Variants in MCUB observed in about 807,000 individuals in gnomAD.
MCUB encodes mitochondrial calcium uniporter dominant negative subunit beta, also known as calcium uniporter regulatory subunit MCUb, mitochondrial.
In MCUB, 46 loss-of-function variants were observed where a neutral mutation model predicts 41.4. That is an observed-to-expected ratio of 1.11 (90% CI 0.88 to 1.42). MCUB has a LOEUF of 1.42. MCUB is among the 40% of genes most tolerant of loss of function. MCUB has a pLI of 0.00. For synonymous variants in MCUB, 148 were observed against 148.2 expected (o/e 1.00, Z 0.01); for missense variants, 403 against 404.9 (o/e 1.00, Z 0.04).
rs768258227 is a variant in MCUB, at chr4:109,660,322, A to G, written c.303A>G (p.Gln101=). ...TTGGTTCATTCCTTCAGGACCTACA[A>G]AATGAAGATAAGGGTATCAAAACTG... ...STVGSFLQDL[Q]NEDKGIKTAA... Residue 101 remains glutamine, a synonymous_variant, in exon 3 of 8, where the codon CAA becomes CAG. Transcript: ENST00000394650. 9.9e-6 allele frequency: 16 copies of G among 1,609,016 alleles called. No individual in the cohort carries two copies. Among genetic ancestry groups the G allele is most frequent in the African/African-American group, 2.7e-5 (2 of 74,810 alleles).
intron 1 of MCUB, among the ~76,000 whole-genome samples, chr4:109,597,513 C>T (rs1727594046): frequency 8.4e-6 from 1 of 118,886 alleles, no homozygotes; most frequent in Non-Finnish European, 1.8e-5. Flanking sequence ...GGGGGGCTGA[C>T]CCCCCCACCT....
At chr4:109,659,936 G>T (rs570724874) in intron 2 of MCUB, among the ~76,000 whole-genome samples, 1 of 152,320 alleles carries the variant, frequency 6.6e-6, no homozygotes. Context: ...GGGATTACAG[G>T]CATGAGCCAC....
chr4:109,630,277 T>A lies in MCUB; in HGVS notation c.100-28734T>A, dbSNP rs569140439. On this transcript the variant is annotated intron_variant, in intron 1 of 7. Coordinates refer to ENST00000394650, the MANE Select transcript of MCUB (RefSeq NM_017918.5). ...GAATTCAAGACCAGCATGGTCAACA[T>A]AGCAATACCTTGTCTCTGAAAAAAT... Among the ~76,000 whole-genome samples, 13 of 152,184 alleles carry A rather than the reference T, an allele frequency of 8.5e-5. No homozygotes were observed. The East Asian group carries it at 2.5e-3, about 29-fold the overall frequency.
chr4:109,638,827 A>G (rs1285853073), intron 1 of MCUB, among the ~76,000 whole-genome samples: 1 of 152,232 alleles, frequency 6.6e-6, no homozygotes, highest in Non-Finnish European at 1.5e-5. Flanking sequence ...TTCCATCTCA[A>G]GAAACCACTT....
chr4:109,563,967 C>T (rs1050945241), intron 1 of MCUB, among the ~76,000 whole-genome samples: 1 of 152,046 alleles, frequency 6.6e-6, no homozygotes, highest in Non-Finnish European at 1.5e-5. Context: ...ATCATAAGAT[C>T]CTCAGGAAGA....
chr4:109,640,550 T>A (rs1057238765), intron 1 of MCUB, among the ~76,000 whole-genome samples: 1 of 152,250 alleles, frequency 6.6e-6, no homozygotes, highest in Non-Finnish European at 1.5e-5. Flanking sequence ...TTGCTTCACC[T>A]TGCACTTTTA....
At chr4:109,679,523 G>C (rs997919178) in intron 4 of MCUB, among the ~76,000 whole-genome samples, 3 of 152,172 alleles carry the variant, frequency 2.0e-5, no homozygotes, top group African/African-American at 7.2e-5. Flanking sequence ...GCACGTGCCT[G>C]GAATCCCAGG....
intron 4 of MCUB, among the ~76,000 whole-genome samples, chr4:109,676,659 T>C (rs952296537): frequency 3.3e-5 from 5 of 152,250 alleles, no homozygotes; most frequent in African/African-American, 1.2e-4. Flanking sequence ...AGTACCAATT[T>C]TCTGTCTTAA....
At chr4:109,571,533 C>T (rs1726917284) in intron 1 of MCUB, among the ~76,000 whole-genome samples, 1 of 152,074 alleles carries the variant, frequency 6.6e-6, no homozygotes, top group African/African-American at 2.4e-5. Context: ...CCCTGGTCTC[C>T]AGCTCCTGAC....
At chr4:109,606,915 T>A (rs1727884912) in intron 1 of MCUB, among the ~76,000 whole-genome samples, 1 of 151,714 alleles carries the variant, frequency 6.6e-6, no homozygotes. Flanking sequence ...CCCAGCTAAT[T>A]TTTGTATTTT....
intron 1 of MCUB, among the ~76,000 whole-genome samples, chr4:109,631,529 G>A (rs1728474725): frequency 6.6e-6 from 1 of 152,104 alleles, no homozygotes; most frequent in African/African-American, 2.4e-5. Flanking sequence ...ATACATGTTC[G>A]CAGGATTTTC....
At chr4:109,666,198 C>T (rs1729342549) in intron 4 of MCUB, among the ~76,000 whole-genome samples, 1 of 152,116 alleles carries the variant, frequency 6.6e-6, no homozygotes, top group Non-Finnish European at 1.5e-5. Flanking sequence ...GTTTATTCAC[C>T]TACTGAAGGA....
intron 1 of MCUB, among the ~76,000 whole-genome samples, chr4:109,641,220 G>C (rs1446425495): frequency 6.6e-6 from 1 of 151,460 alleles, no homozygotes; most frequent in Non-Finnish European, 1.5e-5. Context: ...AGCCTCCTGA[G>C]TAGCTGGGAC....
intron 1 of MCUB, among the ~76,000 whole-genome samples, chr4:109,570,807 C>T (rs1233929156): frequency 1.3e-5 from 2 of 152,130 alleles, no homozygotes; most frequent in Non-Finnish European, 2.9e-5. Flanking sequence ...GTACATGGAG[C>T]TGGAATAACA....
chr4:109,564,855 AAGTG>A (rs1462617004), intron 1 of MCUB, among the ~76,000 whole-genome samples: 1 of 152,200 alleles, frequency 6.6e-6, no homozygotes, highest in African/African-American at 2.4e-5. Flanking sequence ...CCACTTCCAT[AAGTG>A]AGTGAGGAGA....
chr4:109,597,721 C>G (rs1727606560), intron 1 of MCUB, among the ~76,000 whole-genome samples: 1 of 142,558 alleles, frequency 7.0e-6, no homozygotes, highest in South Asian at 2.1e-4. Flanking sequence ...GGGCGGCTGG[C>G]CGGGCGGGGG....
chr4:109,564,170 G>A (rs953931769), intron 1 of MCUB, among the ~76,000 whole-genome samples: 5 of 151,016 alleles, frequency 3.3e-5, no homozygotes, highest in Non-Finnish European at 7.4e-5. Flanking sequence ...GTCTTGCTCT[G>A]TCGCCAAGCT....
In MCUB at chr4:109,671,220, A is replaced by G. The variant is rs114285792; in HGVS notation, c.451+6826A>G. Among the ~76,000 whole-genome samples, 1,475 of 152,264 alleles carry G rather than the reference A, an allele frequency of 9.7e-3. 21 individuals carry two copies. The highest frequency in any genetic ancestry group is 0.033 in the African/African-American group (1,390 of 41,544). On this transcript the variant is annotated intron_variant, in intron 4 of 7. Coordinates refer to ENST00000394650, the MANE Select transcript of MCUB (RefSeq NM_017918.5). ...AAACTGGAAGTCTTAACTTTTTCTT[A>G]AAGAGAGCTTTTTTCATCTCAAATT...
chr4:109,573,357 G>A (rs1168325467), intron 1 of MCUB, among the ~76,000 whole-genome samples: 3 of 151,864 alleles, frequency 2.0e-5, no homozygotes. Flanking sequence ...GGAGGCTGCG[G>A]CAGCAGAACC....
Sources: allele counts gnomAD v4.1 joint callset (sites outside exome capture counted in the v4.1 genomes callset), GRCh38; gene constraint gnomAD v4.1.1; transcripts MANE v1.5; gene names NCBI Gene and HGNC (gene_info 2026-07-23, HGNC 2026-07-21).